The following CCND3 variants were observed in gnomAD, a reference collection of about 807,000 sequenced individuals.
CCND3 encodes G1/S-specific cyclin-D3.
In CCND3, 9 loss-of-function variants were observed where a neutral mutation model predicts 28.7. The ratio of observed to expected loss-of-function variants is 0.31; its 90% confidence interval spans 0.19 to 0.55. The LOEUF is 0.55. Ranked by LOEUF, CCND3 falls within the 20% of genes least tolerant of loss-of-function variation. The pLI, the probability that CCND3 is intolerant of heterozygous loss-of-function variation, is 0.93. For missense variants in CCND3, 315 were observed against 385.8 expected (o/e 0.82, Z 1.54); for synonymous variants, 164 against 163.9 (o/e 1.00, Z 0.00).
At chr6:42,013,079 G>A (rs1356386894) in intron 1 of CCND3, among the ~76,000 whole-genome samples, 1 of 152,092 alleles carries the variant, frequency 6.6e-6, no homozygotes, top group Non-Finnish European at 1.5e-5. Flanking sequence ...GGGGCAATAC[G>A]GGACCCCTAA....
chr6:41,951,541 GACAC>G (rs1268678641), intron 1 of CCND3, among the ~76,000 whole-genome samples: 32 of 78,022 alleles, frequency 4.1e-4, no homozygotes, highest in Non-Finnish European at 4.5e-4. Flanking sequence ...CAGCCTGAGC[GACAC>G]ACACACACAC....
intron 1 of CCND3, among the ~76,000 whole-genome samples, chr6:41,963,735 AC>A (rs1761781079): frequency 6.6e-6 from 1 of 152,138 alleles, no homozygotes; most frequent in African/African-American, 2.4e-5. Context: ...TGGGTTTGAA[AC>A]CTAGCTCTGC....
In CCND3 at chr6:41,936,022, G is replaced by T. The variant is rs142862109; in HGVS notation, c.797C>A (p.Ala266Glu). 2 of 1,613,334 alleles carry T rather than the reference G, an allele frequency of 1.2e-6. No individual in the cohort carries two copies. Among genetic ancestry groups the T allele is most frequent in the Non-Finnish European group, 8.5e-7 (1 of 1,179,604 alleles). ...GCTGGAGCCCCGGGGGGCTTTGGGC[G>T]CTGGGCTGGAGCTGGTCTGAGAGGC... ...REASQTSSSPAPKAPRGSSSQ... is the reference protein window; with the variant it reads ...REASQTSSSPEPKAPRGSSSQ... The change falls in exon 5 of 5, where the codon GCG becomes GAG. Residue 266 changes from alanine to glutamate, a missense_variant. By Grantham distance (107) the Ala-to-Glu change is moderately radical (BLOSUM62 -1). Coordinates refer to ENST00000372991, the MANE Select transcript of CCND3 (RefSeq NM_001760.5). This position sits in a 1 kb window ranked among gnomAD's most constrained non-coding sequence, Gnocchi z 4.4.
intron 1 of CCND3, among the ~76,000 whole-genome samples, chr6:41,996,393 G>A (rs946854801): frequency 7.9e-5 from 12 of 151,408 alleles, no homozygotes; most frequent in South Asian, 4.2e-4. Context: ...CAAGTGATCC[G>A]CTCGCCTCGG....
intron 1 of CCND3, among the ~76,000 whole-genome samples, chr6:41,999,824 G>C (rs890900440): frequency 4.6e-5 from 7 of 152,152 alleles, no homozygotes; most frequent in Admixed American, 4.6e-4. Context: ...CTAGAAGTTT[G>C]AGTTTGCAGT....
At chr6:42,005,442 G>A (rs1288952341) in intron 1 of CCND3, among the ~76,000 whole-genome samples, 12 of 150,878 alleles carry the variant, frequency 8.0e-5, no homozygotes, top group African/African-American at 4.9e-5. Flanking sequence ...CTTGGAGGCC[G>A]AGGCATGAGA....
intron 1 of CCND3, among the ~76,000 whole-genome samples, chr6:42,043,505 G>A (rs1400068060): frequency 6.6e-6 from 1 of 151,730 alleles, no homozygotes; most frequent in Non-Finnish European, 1.5e-5. Flanking sequence ...CACTCCAGCC[G>A]GGGCGACAGA....
chr6:42,043,168 A>G (rs1215229817), intron 1 of CCND3, among the ~76,000 whole-genome samples: 3 of 152,094 alleles, frequency 2.0e-5, no homozygotes, highest in African/African-American at 7.2e-5. Flanking sequence ...CCGAGGCAGG[A>G]GGACTGCTTG....
At chr6:41,947,775 C>A (rs753960158) in intron 1 of CCND3, among the ~76,000 whole-genome samples, 4 of 152,120 alleles carry the variant, frequency 2.6e-5, no homozygotes, top group African/African-American at 7.2e-5. Context: ...TTCTACCCCC[C>A]GGTCCGAGTT....
chr6:41,939,938 C>T lies in CCND3; in HGVS notation c.414+432G>A, dbSNP rs1337644377. On this transcript the variant is annotated intron_variant, in intron 2 of 4. Transcript: ENST00000372991. This position sits in a 1 kb window ranked among gnomAD's most constrained non-coding sequence, Gnocchi z 4.2. ...GTCCACATGAGGATAAAGACTCAAC[C>T]AAGGCAAAACCCCCTCCCCCACATG... Among the ~76,000 whole-genome samples, 1 of 152,142 alleles carries T rather than the reference C, an allele frequency of 6.6e-6. No homozygotes were observed. The highest frequency in any genetic ancestry group is 1.5e-5 in the Non-Finnish European group (1 of 68,036).
At chr6:42,008,441 T>C (rs1763242778) in intron 1 of CCND3, among the ~76,000 whole-genome samples, 1 of 152,168 alleles carries the variant, frequency 6.6e-6, no homozygotes, top group Admixed American at 6.6e-5. Context: ...TGTGTATGTA[T>C]AAAGTGACAG....
At chr6:41,992,758 A>G (rs9367122) in intron 1 of CCND3, among the ~76,000 whole-genome samples, 149,036 of 152,062 alleles carry the variant, frequency 0.98, 73,095 homozygotes, top group East Asian at 1. Flanking sequence ...TATTTTATCT[A>G]TCTTGGGACA....
intron 1 of CCND3, among the ~76,000 whole-genome samples, chr6:41,964,383 T>A (rs1199625396): frequency 2.8e-5 from 4 of 144,036 alleles, no homozygotes; most frequent in Admixed American, 7.0e-5. Flanking sequence ...TGTGTGTGAG[T>A]GTGTGTGTGC....
chr6:42,034,628 C>T (rs1198353152), intron 1 of CCND3, among the ~76,000 whole-genome samples: 2 of 151,838 alleles, frequency 1.3e-5, no homozygotes, highest in Non-Finnish European at 2.9e-5. Flanking sequence ...CAGGCTCGTG[C>T]CACCATGCCC....
rs773705624 is a variant in CCND3 at position 41,935,546 on chromosome 6, C to T, written c.*394G>A. ...GGGACCCCAATCCAAATGCAATAAC[C>T]CTAGAAGGGACAACACCTTTAGAAG... On this transcript the variant is annotated 3_prime_UTR_variant, in exon 5 of 5. Coordinates refer to ENST00000372991, the MANE Select transcript of CCND3 (RefSeq NM_001760.5). 1.7e-5 allele frequency: 7 copies of T among 400,124 alleles called. No homozygotes were observed. The highest frequency in any genetic ancestry group is 3.7e-5 in the East Asian group (1 of 27,200). The allele number at this position is 400,124 out of a possible 1,614,324, so 24.8% of individuals were successfully genotyped here. A position where few individuals can be genotyped will look rare whatever the true frequency, so the allele number is the denominator to read the frequency against.
At chr6:42,044,262 C>T (rs1764460223) in intron 1 of CCND3, among the ~76,000 whole-genome samples, 1 of 152,210 alleles carries the variant, frequency 6.6e-6, no homozygotes, top group African/African-American at 2.4e-5. Context: ...TTCTCTGGGC[C>T]CCGGTGTGTA....
intron 1 of CCND3, among the ~76,000 whole-genome samples, chr6:41,999,490 C>T (rs147801269): frequency 6.6e-6 from 1 of 152,124 alleles, no homozygotes; most frequent in Non-Finnish European, 1.5e-5. Context: ...AGGCATGAGC[C>T]ACCGTGCCTG....
intron 1 of CCND3, among the ~76,000 whole-genome samples, chr6:42,003,525 CAAAAAAAAA>C (rs61494473): frequency 5.5e-3 from 399 of 72,702 alleles, no homozygotes; most frequent in African/African-American, 7.8e-3. Context: ...GACTCTGTCT[CAAAAAAAAA>C]AAAAAAAAAA....
At position 42,048,219 on chromosome 6, in the gene CCND3, A is replaced by C; in HGVS notation, c.-46+282T>G. ...CACCCCATCTTTGAGGCATGAGAAG[A>C]CCAACAGCCCGGTAAAGCCACGGGG... On this transcript the variant is annotated intron_variant, in intron 1 of 4. Transcript: ENST00000372988. This position sits in a 1 kb window ranked among gnomAD's most constrained non-coding sequence, Gnocchi z 4.7. The C allele has an allele frequency of 4.3e-6, 1 of 234,906 alleles. No individual in the cohort carries two copies. The highest frequency in any genetic ancestry group is 4.2e-5 in the South Asian group (1 of 23,758). 14.6% of individuals were successfully genotyped at this position (234,906 alleles called of 1,614,324 possible). A position where few individuals can be genotyped will look rare whatever the true frequency, so the allele number is the denominator to read the frequency against.
Sources: gnomAD v4.1 joint callset for allele counts (sites outside exome capture counted in the v4.1 genomes callset) on GRCh38, gnomAD v4.1.1 for gene constraint, Gnocchi (gnomAD v3.1) non-coding constraint, MANE v1.5 for transcripts, NCBI Gene and HGNC (gene_info 2026-07-23, HGNC 2026-07-21) for gene names.